The following SNX33 variants were observed in gnomAD, a reference collection of about 807,000 sequenced individuals.
SNX33 encodes the protein sorting nexin-33.
A neutral mutation model predicts 38.8 loss-of-function variants in SNX33; 19 were observed. The ratio of observed to expected loss-of-function variants is 0.49; its 90% CI spans 0.34 to 0.72. The LOEUF is 0.72. Ranked by LOEUF, SNX33 falls within the 30% of genes least tolerant of loss-of-function variation. The pLI is 0.01. For missense variants in SNX33, 641 were observed against 776.4 expected (o/e 0.83, Z 2.07); for synonymous variants, 246 against 289.7 (o/e 0.85, Z 1.53).
rs1893543142 is a variant in SNX33 at position 75,649,496 on chromosome 15, G to A, written c.394G>A (p.Ala132Thr). 6.4e-7 allele frequency: 1 copy of A among 1,557,266 alleles called. No individual in the cohort carries two copies. Among genetic ancestry groups the A allele is most frequent in the Non-Finnish European group, 8.7e-7 (1 of 1,148,374 alleles). The change falls in exon 1 of 2, where the codon GCT (alanine) becomes ACT (threonine). Residue 132 changes from alanine to threonine, a missense_variant. This residue lies in a region of SNX33 where 243 missense variants were observed against 233.9 expected (regional missense o/e 1.04). Coordinates refer to ENST00000308527, the MANE Select transcript of SNX33 (RefSeq NM_153271.2). The surrounding 1 kb of genome is among the most constrained non-coding windows in gnomAD (Gnocchi z 6.6). ...DGCTVVEEPR[A>T]GGLGTNGHPP... ...ATGCACAGTGGTGGAGGAGCCACGG[G>A]CTGGTGGGCTGGGCACCAACGGGCA...
chr15:75,653,746 G>A (rs963275995), intron 1 of SNX33, among the ~76,000 whole-genome samples: 3 of 152,198 alleles, frequency 2.0e-5, no homozygotes, highest in Admixed American at 2.0e-4. Context: ...CCAAGGCAAA[G>A]TGGCGACTGT....
Position 75,656,947 on chromosome 15 carries a change from CT to C in SNX33, c.1472-14del, listed in dbSNP as rs762260199. On this transcript the variant is annotated splice_polypyrimidine_tract_variant and intron_variant, in intron 1 of 1. Transcript: ENST00000308527. The stretch of plus-strand genomic sequence containing the variant: ...CAGAGCCCTCACACGCTGTCCTCTG[CT>C]CTGCCTATGCCAGGCGCCTTCGCCA... 6.2e-7 allele frequency: 1 copy of C among 1,609,258 alleles called. No individual in the cohort carries two copies. The highest frequency in any genetic ancestry group is 2.2e-5 in the East Asian group (1 of 44,714).
At position 75,648,746 on chromosome 15, in the gene SNX33, C is replaced by G; in HGVS notation, c.-357C>G. On this transcript the variant is annotated 5_prime_UTR_variant, in exon 1 of 2. Coordinates refer to ENST00000308527, the MANE Select transcript of SNX33 (RefSeq NM_153271.2). The surrounding 1 kb of genome is among the most constrained non-coding windows in gnomAD (Gnocchi z 4.4). Reference sequence around the variant, plus strand: ...GTGGAAAGTGTCGAATTTTTCCCCTCGCAGGGCAGATTTCTCCAGGTCACT... The same window carrying G: ...GTGGAAAGTGTCGAATTTTTCCCCTGGCAGGGCAGATTTCTCCAGGTCACT... 1 of 212,258 alleles carries G rather than the reference C, an allele frequency of 4.7e-6. No homozygotes were observed. Among genetic ancestry groups the G allele is most frequent in the Non-Finnish European group, 8.7e-6 (1 of 114,888 alleles). 13.1% of individuals were successfully genotyped at this position (212,258 alleles called of 1,614,324 possible).
rs1187158958 is a variant in SNX33 at position 75,658,086 on chromosome 15, C to G, written c.*871C>G. The G allele has an allele frequency of 6.6e-6, 1 of 152,606 alleles. No individual in the cohort carries two copies. The highest frequency in any genetic ancestry group is 1.9e-4 in the East Asian group (1 of 5,188). 9.5% of individuals were successfully genotyped at this position (152,606 alleles called of 1,614,324 possible). ...CCACTTTTGGGCCCTCAGCTTATCT[C>G]GGGCAGGGGACCATTGCAGCATCCT... On this transcript the variant is annotated 3_prime_UTR_variant, in exon 2 of 2. Coordinates refer to ENST00000308527, the MANE Select transcript of SNX33 (RefSeq NM_153271.2). This position sits in a 1 kb window ranked among gnomAD's most constrained non-coding sequence, Gnocchi z 4.1.
chr15:75,650,403 T>G lies in SNX33; in HGVS notation c.1301T>G (p.Phe434Cys). ...ISHSFQMDPP[F>C]CSEALNSAIS... is the part of the protein sequence containing the mutation. Reference sequence around the variant, plus strand: ...CATTCCTTCCAGATGGACCCCCCCTTTTGCTCTGAGGCCCTCAACAGTGCC... The same window carrying G: ...CATTCCTTCCAGATGGACCCCCCCTGTTGCTCTGAGGCCCTCAACAGTGCC... The change falls in exon 1 of 2, where the codon TTT becomes TGT. Residue 434 changes from phenylalanine (F) to cysteine (C), a missense_variant. Physicochemically the swap from Phe to Cys is radical, Grantham distance 205. Transcript: ENST00000308527. This position sits in a 1 kb window ranked among gnomAD's most constrained non-coding sequence, Gnocchi z 6.1. The G allele has an allele frequency of 6.2e-7, 1 of 1,613,866 alleles. No individual in the cohort carries two copies. Among genetic ancestry groups the G allele is most frequent in the Non-Finnish European group, 8.5e-7 (1 of 1,179,918 alleles).
rs201961630 is a variant in SNX33, at chr15:75,649,503, G to T, written c.401G>T (p.Gly134Val). ...GTGGTGGAGGAGCCACGGGCTGGTG[G>T]GCTGGGCACCAACGGGCACCCTCCC... is the stretch of plus-strand genomic sequence containing the variant. Reference protein sequence around the residue: ...CTVVEEPRAGGLGTNGHPPLN... With the variant: ...CTVVEEPRAGVLGTNGHPPLN... The change falls in exon 1 of 2, where the codon GGG becomes GTG. Residue 134 changes from glycine to valine, a missense_variant. Physicochemically the swap from Gly to Val is moderately radical, Grantham distance 109. Coordinates refer to ENST00000308527, the MANE Select transcript of SNX33 (RefSeq NM_153271.2). This position sits in a 1 kb window ranked among gnomAD's most constrained non-coding sequence, Gnocchi z 6.6. The T allele has an allele frequency of 7.9e-5, 124 of 1,564,724 alleles. No individual in the cohort carries two copies. The highest frequency in any genetic ancestry group is 1.0e-4 in the Non-Finnish European group (120 of 1,151,880).
chr15:75,652,528 C>T (rs1243331185), intron 1 of SNX33, among the ~76,000 whole-genome samples: 1 of 152,244 alleles, frequency 6.6e-6, no homozygotes, highest in African/African-American at 2.4e-5. Context: ...CAGGGCCTCC[C>T]AGGCTGGGGG....
chr15:75,657,584 C>T lies in SNX33; in HGVS notation c.*369C>T. Reference sequence around the variant, plus strand: ...AGCAGACACCGAGGCCTGCTGCACCCTTGGGTCGGATGCTGGGCACCCAGG... The same window carrying T: ...AGCAGACACCGAGGCCTGCTGCACCTTTGGGTCGGATGCTGGGCACCCAGG... On this transcript the variant is annotated 3_prime_UTR_variant, in exon 2 of 2. Coordinates refer to ENST00000308527, the MANE Select transcript of SNX33 (RefSeq NM_153271.2). This position sits in a 1 kb window ranked among gnomAD's most constrained non-coding sequence, Gnocchi z 5.5. 3.2e-6 allele frequency: 1 copy of T among 311,382 alleles called. No individual in the cohort carries two copies. Among genetic ancestry groups the T allele is most frequent in the East Asian group, 7.0e-5 (1 of 14,236 alleles). The allele number at this position is 311,382 out of a possible 1,614,324, so 19.3% of individuals were successfully genotyped here.
intron 1 of SNX33, among the ~76,000 whole-genome samples, chr15:75,653,363 A>G (rs1893607502): frequency 6.6e-6 from 1 of 152,148 alleles, no homozygotes; most frequent in South Asian, 2.1e-4. Flanking sequence ...TCCCGGGACA[A>G]CAGGGGAAAG....
rs777946764 is a variant in SNX33, at chr15:75,650,201, G to A, written c.1099G>A (p.Glu367Lys). 3.1e-6 allele frequency: 5 copies of A among 1,597,926 alleles called. No homozygotes were observed. Among genetic ancestry groups the A allele is most frequent in the South Asian group, 2.3e-5 (2 of 88,766 alleles). The change falls in exon 1 of 2, where the codon GAG (glutamate) becomes AAG (lysine). Residue 367 changes from glutamate to lysine, a missense_variant. Glu to Lys is a moderately conservative substitution (Grantham distance 56). Coordinates refer to ENST00000308527, the MANE Select transcript of SNX33 (RefSeq NM_153271.2). The surrounding 1 kb of genome is among the most constrained non-coding windows in gnomAD (Gnocchi z 6.1). ...CCTGCTCACCTTCCAGATCCCCACCGAGCACCAGGACTTGCAGGACGTGGA... is the reference window on the plus strand; with the variant it reads ...CCTGCTCACCTTCCAGATCCCCACCAAGCACCAGGACTTGCAGGACGTGGA... ...SFLLTFQIPT[E>K]HQDLQDVEDR... is the part of the protein sequence containing the mutation.
At chr15:75,652,226 T>G (rs2141397895) in intron 1 of SNX33, among the ~76,000 whole-genome samples, 1 of 152,252 alleles carries the variant, frequency 6.6e-6, no homozygotes, top group Admixed American at 6.5e-5. Context: ...AAGGGACTCC[T>G]GGGGAGGGTA....
At chr15:75,653,354 C>A (rs556797530) in intron 1 of SNX33, among the ~76,000 whole-genome samples, 2 of 152,240 alleles carry the variant, frequency 1.3e-5, no homozygotes, top group African/African-American at 4.8e-5. Context: ...CAATAGTGAT[C>A]CCGGGACAAC....
At position 75,649,654 on chromosome 15, in the gene SNX33, C is replaced by T. The variant is rs1274629125; in HGVS notation, c.552C>T (p.Asn184=). 2 of 1,602,438 alleles carry T rather than the reference C, an allele frequency of 1.2e-6. No homozygotes were observed. The highest frequency in any genetic ancestry group is 1.7e-5 in the Admixed American group (1 of 58,094). ...KRGSVVGRNL[N]RFSCFVRSGV... ...GCAGTGTGGTGGGCCGTAACCTCAA[C>T]CGTTTCTCATGCTTTGTGCGTTCTG... The change falls in exon 1 of 2, where the codon AAC becomes AAT. Residue 184 remains asparagine, a synonymous_variant. Transcript: ENST00000308527. This position sits in a 1 kb window ranked among gnomAD's most constrained non-coding sequence, Gnocchi z 6.6.
intron 1 of SNX33, among the ~76,000 whole-genome samples, chr15:75,656,430 T>C (rs890907590): frequency 1.3e-5 from 2 of 152,154 alleles, no homozygotes; most frequent in African/African-American, 4.8e-5. Context: ...CCAGGCAGAT[T>C]GGTGTGGACC....
rs1208692977 is a variant in SNX33, at chr15:75,657,791, GA to G, written c.*578del. ...GGCAACATTTGGGCAGTGTTTTGAAGAATGACAAGGGCCTGCCAGACAGTAC... is the reference window on the plus strand; with the variant it reads ...GGCAACATTTGGGCAGTGTTTTGAAGATGACAAGGGCCTGCCAGACAGTAC... On this transcript the variant is annotated 3_prime_UTR_variant, in exon 2 of 2. Coordinates refer to ENST00000308527, the MANE Select transcript of SNX33 (RefSeq NM_153271.2). The surrounding 1 kb of genome is among the most constrained non-coding windows in gnomAD (Gnocchi z 5.5). 1.3e-5 allele frequency: 2 copies of G among 159,920 alleles called. No individual in the cohort carries two copies. The highest frequency in any genetic ancestry group is 2.8e-5 in the Non-Finnish European group (2 of 71,954). 9.9% of individuals were successfully genotyped at this position (159,920 alleles called of 1,614,324 possible).
chr15:75,649,075 C>G lies in SNX33; in HGVS notation c.-28C>G. The G allele has an allele frequency of 6.4e-7, 1 of 1,551,396 alleles. No individual in the cohort carries two copies. Among genetic ancestry groups the G allele is most frequent in the Non-Finnish European group, 8.7e-7 (1 of 1,146,666 alleles). ...CGGTCTGGGCAGGACCCTCTCCTTC[C>G]CATCTTTCTATACCACCCAGCCCAG... On this transcript the variant is annotated 5_prime_UTR_variant, in exon 1 of 2. Coordinates refer to ENST00000308527, the MANE Select transcript of SNX33 (RefSeq NM_153271.2). This position sits in a 1 kb window ranked among gnomAD's most constrained non-coding sequence, Gnocchi z 6.6.
At chr15:75,654,882 A>G (rs1346122626) in intron 1 of SNX33, among the ~76,000 whole-genome samples, 2 of 152,226 alleles carry the variant, frequency 1.3e-5, no homozygotes, top group Non-Finnish European at 2.9e-5. Context: ...CTCATCAGCA[A>G]AAGAGGCCTT....
At chr15:75,655,978 A>C (rs895424865) in intron 1 of SNX33, among the ~76,000 whole-genome samples, 4 of 152,204 alleles carry the variant, frequency 2.6e-5, no homozygotes, top group Admixed American at 6.5e-5. Context: ...TTCAGAACTG[A>C]AATTCATTCA....
At position 75,649,725 on chromosome 15, in the gene SNX33, T is replaced by C; in HGVS notation, c.623T>C (p.Ile208Thr). Residue 208 changes from isoleucine (I) to threonine (T), a missense_variant, in exon 1 of 2, where the codon ATC (isoleucine) becomes ACC (threonine). Transcript: ENST00000308527. This position sits in a 1 kb window ranked among gnomAD's most constrained non-coding sequence, Gnocchi z 6.6. ...GGTGATGTGCCCATGATGGCCAAGA[T>C]CGCTGAGACATACTCCATTGAAATG... is the stretch of plus-strand genomic sequence containing the variant. ...ILGDVPMMAK[I>T]AETYSIEMGP... 1 of 1,542,016 alleles carries C rather than the reference T, an allele frequency of 6.5e-7. No individual in the cohort carries two copies. Among genetic ancestry groups the C allele is most frequent in the Non-Finnish European group, 8.8e-7 (1 of 1,141,140 alleles).
Sources: gnomAD v4.1 joint callset for allele counts (sites outside exome capture counted in the v4.1 genomes callset) on GRCh38, gnomAD v4.1.1 for gene constraint, gnomAD v4.1.1 regional missense constraint, Gnocchi (gnomAD v3.1) non-coding constraint, MANE v1.5 for transcripts, NCBI Gene and HGNC (gene_info 2026-07-23, HGNC 2026-07-21) for gene names.